The following CFAP46 variants were observed in gnomAD, a reference collection of about 807,000 sequenced individuals.
CFAP46 encodes cilia- and flagella-associated protein 46.
A neutral mutation model predicts 325.7 loss-of-function variants in CFAP46; 245 were observed. The ratio of observed to expected loss-of-function variants is 0.75; its 90% CI spans 0.68 to 0.84. CFAP46 has a LOEUF of 0.84. CFAP46 is among the 40% of genes least tolerant of loss of function. The pLI is 0.00. For missense variants in CFAP46, 3,346 were observed against 3,543.0 expected (o/e 0.94, Z 1.41); for synonymous variants, 1,523 against 1,495.9 (o/e 1.02, Z -0.42).
chr10:132,907,324 C>A (rs867506656), intron 22 of CFAP46, among the ~76,000 whole-genome samples: 1 of 152,180 alleles, frequency 6.6e-6, no homozygotes, highest in Middle Eastern at 3.2e-3. Flanking sequence ...GCCTCATATT[C>A]AAAAATTGGG....
At chr10:132,893,818 C>T (rs1849285632) in intron 24 of CFAP46, among the ~76,000 whole-genome samples, 1 of 152,274 alleles carries the variant, frequency 6.6e-6, no homozygotes. Context: ...CTGCTTTATG[C>T]TCCTCAGTTG....
intron 50 of CFAP46, among the ~76,000 whole-genome samples, chr10:132,823,731 T>C (rs111218035): frequency 1.0e-4 from 14 of 138,202 alleles, no homozygotes; most frequent in Admixed American, 9.6e-4. Context: ...TGTGTGCTGA[T>C]GTGTGCTGTG....
At chr10:132,814,282 C>A in intron 53 of CFAP46, 28 bp from the exon 54 acceptor site, 1 of 1,571,184 alleles carries the variant, frequency 6.4e-7, no homozygotes. Flanking sequence ...TGGATACAGA[C>A]CACGGTGTTT....
intron 11 of CFAP46, among the ~76,000 whole-genome samples, chr10:132,923,460 T>C (rs1427739926): frequency 1.7e-5 from 2 of 115,768 alleles, no homozygotes; most frequent in African/African-American, 3.4e-5. Context: ...CCCCTGGCCT[T>C]GAGCAGCCAT....
intron 51 of CFAP46, 25 bp downstream of exon 51, chr10:132,814,819 T>TC: frequency 6.2e-7 from 1 of 1,613,980 alleles, no homozygotes; most frequent in Non-Finnish European, 8.5e-7. Context: ...ACCAGCCCGA[T>TC]CCCCTATCAC....
intron 16 of CFAP46, among the ~76,000 whole-genome samples, chr10:132,917,789 G>A (rs1036475219): frequency 2.0e-5 from 3 of 152,166 alleles, no homozygotes; most frequent in African/African-American, 4.8e-5. Context: ...AACAGGCCAC[G>A]TGGACACCAA....
intron 10 of CFAP46, among the ~76,000 whole-genome samples, chr10:132,926,013 G>T (rs12779236): frequency 6.6e-6 from 1 of 152,222 alleles, no homozygotes; most frequent in South Asian, 2.1e-4. Flanking sequence ...TCTTTTAACT[G>T]GGAAATTATT....
intron 19 of CFAP46, 35 bp downstream of exon 19, chr10:132,912,620 T>TCTC (rs1849570278): frequency 3.9e-6 from 6 of 1,528,638 alleles, no homozygotes; most frequent in Non-Finnish European, 5.3e-6. Flanking sequence ...TCTCTCTCTC[T>TCTC]CTCTCTCTCT....
chr10:132,931,162 GCCACACAGAGCCTGGGCCTTCCTCCTCC>G (rs1849894634), intron 8 of CFAP46, among the ~76,000 whole-genome samples: 1 of 24,532 alleles, frequency 4.1e-5, no homozygotes, highest in African/African-American at 1.9e-4. Context: ...CTTCCTCCTC[GCCACACAGAGCCTGGGCCTTCCTCCTCC>G]CCACACAGAG....
chr10:132,916,812 T>A, intron 16 of CFAP46, 130 bp from the exon 17 acceptor site: 1 of 1,312,928 alleles, frequency 7.6e-7, no homozygotes, highest in Non-Finnish European at 1.0e-6. Flanking sequence ...ACCCGTTTGC[T>A]GTGCCCTTTG....
In CFAP46 at chr10:132,899,534, C is replaced by G. The variant is rs1448087726; in HGVS notation, c.3056+1G>C. 2 of 1,546,150 alleles carry G rather than the reference C, an allele frequency of 1.3e-6. No individual in the cohort carries two copies. Among genetic ancestry groups the G allele is most frequent in the Admixed American group, 3.9e-5 (2 of 50,840 alleles). On this transcript the variant is annotated splice_donor_variant, in intron 23 of 57. Transcript: ENST00000368586. LOFTEE classifies it high-confidence loss of function. Reference sequence around the variant, plus strand: ...CACCCCAGCCCCTTAGAGCCACACACCTGGCGCTCTCCGTGAAGGCCTTGG... The same window carrying G: ...CACCCCAGCCCCTTAGAGCCACACAGCTGGCGCTCTCCGTGAAGGCCTTGG...
chr10:132,835,000 G>A (rs1257298038), intron 47 of CFAP46, among the ~76,000 whole-genome samples: 3 of 152,254 alleles, frequency 2.0e-5, no homozygotes, highest in Non-Finnish European at 4.4e-5. Flanking sequence ...CCGCACCACG[G>A]AGGGTCCTGC....
chr10:132,832,883 C>T lies in CFAP46; in HGVS notation c.7117+475G>A. On this transcript the variant is annotated intron_variant, in intron 50 of 57. Transcript: ENST00000368586. The surrounding 1 kb of genome is among the most constrained non-coding windows in gnomAD (Gnocchi z 4.1). Reference sequence around the variant, plus strand: ...AAACAGGTATTTGTGGGGGCAAGAACAGCGTTAAGTTTGTCTTCCCTGTGT... The same window carrying T: ...AAACAGGTATTTGTGGGGGCAAGAATAGCGTTAAGTTTGTCTTCCCTGTGT... 4.3e-6 allele frequency: 2 copies of T among 463,022 alleles called. No homozygotes were observed. The highest frequency in any genetic ancestry group is 2.4e-5 in the Admixed American group (1 of 42,458). 28.7% of individuals were successfully genotyped at this position (463,022 alleles called of 1,614,324 possible). A position where few individuals can be genotyped will look rare whatever the true frequency, so the allele number is the denominator to read the frequency against.
intron 35 of CFAP46, among the ~76,000 whole-genome samples, chr10:132,862,830 T>A (rs1591060610): frequency 1.8e-5 from 1 of 56,158 alleles, no homozygotes; most frequent in South Asian, 6.0e-4. Flanking sequence ...CGGGCTGCAC[T>A]GGCTGAGGGT....
chr10:132,937,684 T>G lies in CFAP46; in HGVS notation c.537-9A>C. Reference sequence around the variant, plus strand: ...AACACTCCAGAAGTTCCCTGGATAATAGAAACACACCACTGGTCAACCTGG... The same window carrying G: ...AACACTCCAGAAGTTCCCTGGATAAGAGAAACACACCACTGGTCAACCTGG... On this transcript the variant is annotated splice_polypyrimidine_tract_variant and intron_variant, in intron 5 of 57. Coordinates refer to ENST00000368586, the MANE Select transcript of CFAP46 (RefSeq NM_001200049.3). 6.3e-7 allele frequency: 1 copy of G among 1,598,304 alleles called. No homozygotes were observed. Among genetic ancestry groups the G allele is most frequent in the East Asian group, 2.2e-5 (1 of 44,574 alleles).
Position 132,810,414 on chromosome 10 carries a change from T to C in CFAP46, c.7659A>G (p.Glu2553=). ...PSEDEWRRGG[E]PRRGFSDLEG... is the part of the protein sequence containing the mutation. ...GCAGGCCGCCCCTCCCTTACCTTGGTTCACCGCCTCGTCGCCACTCATCTT... is the reference window on the plus strand; with the variant it reads ...GCAGGCCGCCCCTCCCTTACCTTGGCTCACCGCCTCGTCGCCACTCATCTT... Residue 2553 remains glutamate, a synonymous_variant, in exon 57 of 58, where the codon GAA becomes GAG. Coordinates refer to ENST00000368586, the MANE Select transcript of CFAP46 (RefSeq NM_001200049.3). 1 of 1,613,270 alleles carries C rather than the reference T, an allele frequency of 6.2e-7. No individual in the cohort carries two copies. The highest frequency in any genetic ancestry group is 1.6e-4 in the Middle Eastern group (1 of 6,062).
At position 132,877,669 on chromosome 10, in the gene CFAP46, C is replaced by A. The variant is rs1309856586; in HGVS notation, c.4212+212G>T. Among the ~76,000 whole-genome samples, 2 of 152,022 alleles carry A rather than the reference C, an allele frequency of 1.3e-5. No homozygotes were observed. Among genetic ancestry groups the A allele is most frequent in the Non-Finnish European group, 2.9e-5 (2 of 67,984 alleles). On this transcript the variant is annotated intron_variant, in intron 30 of 57. Coordinates refer to ENST00000368586, the MANE Select transcript of CFAP46 (RefSeq NM_001200049.3). This position sits in a 1 kb window ranked among gnomAD's most constrained non-coding sequence, Gnocchi z 5.7. Reference sequence around the variant, plus strand: ...CCTGACAGGGAGAGAAACTGAGGCACAGAGGCCAGCCGGGGCCCAGCCTCT... The same window carrying A: ...CCTGACAGGGAGAGAAACTGAGGCAAAGAGGCCAGCCGGGGCCCAGCCTCT...
Position 132,934,836 on chromosome 10 carries a change from C to G in CFAP46, c.782G>C (p.Gly261Ala). ...CTTCCTCAGAATGACACTGATGTCA[C>G]CTGGTAAATCATTTTGCTCCGCTTT... ...KAKAEQNDLPGDISVILRKAY... is the reference protein window; with the variant it reads ...KAKAEQNDLPADISVILRKAY... The change falls in exon 8 of 58, where the codon GGT (glycine) becomes GCT (alanine). Residue 261 changes from glycine to alanine, a missense_variant. Transcript: ENST00000368586. The G allele has an allele frequency of 1.2e-6, 2 of 1,608,842 alleles. No individual in the cohort carries two copies. Among genetic ancestry groups the G allele is most frequent in the Non-Finnish European group, 8.5e-7 (1 of 1,175,404 alleles).
At position 132,885,132 on chromosome 10, in the gene CFAP46, A is replaced by T; in HGVS notation, c.3598T>A (p.Cys1200Ser). The T allele has an allele frequency of 6.5e-7, 1 of 1,549,360 alleles. No homozygotes were observed. The highest frequency in any genetic ancestry group is 8.7e-7 in the Non-Finnish European group (1 of 1,146,374). The change falls in exon 27 of 58, where the codon TGC (cysteine) becomes AGC (serine). Residue 1200 changes from cysteine (C) to serine (S), a missense_variant. Physicochemically the swap from Cys to Ser is moderately radical, Grantham distance 112. Coordinates refer to ENST00000368586, the MANE Select transcript of CFAP46 (RefSeq NM_001200049.3). ...NSPSVSGELA[C>S]YNNAIQALQK... is the part of the protein sequence containing the mutation. ...AAGGCCTGGATGGCGTTGTTGTAGC[A>T]GGCCAGCTCTCCAGACACGCTCGGC... is the stretch of plus-strand genomic sequence containing the variant.
Sources: allele counts gnomAD v4.1 joint callset (sites outside exome capture counted in the v4.1 genomes callset), GRCh38; gene constraint gnomAD v4.1.1; non-coding constraint Gnocchi (gnomAD v3.1); transcripts MANE v1.5; gene names NCBI Gene and HGNC (gene_info 2026-07-23, HGNC 2026-07-21).